The following ROBO1 variants were observed in gnomAD, a reference collection of about 807,000 sequenced individuals.
The protein encoded by ROBO1 is roundabout homolog 1.
ROBO1 carries 149 observed loss-of-function variants against 195.9 expected under a neutral mutation model. That is an observed-to-expected ratio of 0.76 (90% CI 0.67 to 0.87). The LOEUF is 0.87. ROBO1 is among the 40% of genes least tolerant of loss of function. The pLI, the probability that ROBO1 is intolerant of heterozygous loss-of-function variation, is 0.00. For synonymous variants in ROBO1, 816 were observed against 733.2 expected (o/e 1.11, Z -1.82); for missense variants, 1,933 against 2,068.3 (o/e 0.93, Z 1.27).
chr3:79,463,653 A>T (rs1034337621), intron 2 of ROBO1, among the ~76,000 whole-genome samples: 6 of 152,010 alleles, frequency 3.9e-5, no homozygotes, highest in African/African-American at 1.5e-4. Flanking sequence ...GATGGTACAA[A>T]TCAAACAGTG....
chr3:78,786,693 T>C (rs2083845977), intron 4 of ROBO1, among the ~76,000 whole-genome samples: 4 of 152,174 alleles, frequency 2.6e-5, no homozygotes, highest in Non-Finnish European at 5.9e-5. Context: ...CCCTTGCACA[T>C]GTTCTCTTGC....
At chr3:79,041,565 C>A (rs1192284558) in intron 3 of ROBO1, among the ~76,000 whole-genome samples, 4 of 152,008 alleles carry the variant, frequency 2.6e-5, no homozygotes, top group African/African-American at 9.7e-5. Flanking sequence ...TTTCTCTTCT[C>A]AAAGCACTGA....
At chr3:79,663,325 G>A (rs1407961229) in intron 1 of ROBO1, among the ~76,000 whole-genome samples, 2 of 151,942 alleles carry the variant, frequency 1.3e-5, no homozygotes, top group Non-Finnish European at 2.9e-5. Flanking sequence ...TTATTTATTG[G>A]ATTATATGTT....
chr3:78,995,070 T>C (rs2077328667), intron 3 of ROBO1, among the ~76,000 whole-genome samples: 1 of 152,180 alleles, frequency 6.6e-6, no homozygotes, highest in Non-Finnish European at 1.5e-5. Context: ...CTGTCTTCTG[T>C]AGTGCACCTT....
chr3:78,657,737 G>A (rs763700863), intron 17 of ROBO1, among the ~76,000 whole-genome samples: 9 of 152,140 alleles, frequency 5.9e-5, no homozygotes, highest in Non-Finnish European at 8.8e-5. Context: ...GCCAAGCCTC[G>A]TACTTCAACA....
At chr3:78,846,335 T>C (rs2033668950) in intron 4 of ROBO1, among the ~76,000 whole-genome samples, 1 of 152,118 alleles carries the variant, frequency 6.6e-6, no homozygotes, top group Non-Finnish European at 1.5e-5. Flanking sequence ...CTTACAGTCT[T>C]ATAAATCAGC....
intron 2 of ROBO1, among the ~76,000 whole-genome samples, chr3:79,214,826 A>T (rs73848845): frequency 0.02 from 2,596 of 129,102 alleles, 40 homozygotes; most frequent in East Asian, 0.048. Context: ...ATATATATAT[A>T]TTTTTTTTTT....
At chr3:79,755,733 C>T (rs1478778042) in intron 1 of ROBO1, among the ~76,000 whole-genome samples, 1 of 152,208 alleles carries the variant, frequency 6.6e-6, no homozygotes, top group African/African-American at 2.4e-5. Flanking sequence ...CTCTCACCAT[C>T]ACTACAAGAA....
chr3:78,882,729 C>T lies in ROBO1; in HGVS notation c.499+55872G>A, dbSNP rs141240633. Among the ~76,000 whole-genome samples, 38 of 151,986 alleles carry T rather than the reference C, an allele frequency of 2.5e-4. No homozygotes were observed. In the East Asian group the frequency reaches 5.4e-3, roughly 22 times the overall value. On this transcript the variant is annotated intron_variant, in intron 4 of 30. Coordinates refer to ENST00000464233, the MANE Select transcript of ROBO1 (RefSeq NM_002941.4). ...GTCCCTGTCATTTATATATTTAATT[C>T]GTTTACTTATTTTTACCAACTACTT...
At chr3:79,390,979 T>C (rs989651917) in intron 2 of ROBO1, among the ~76,000 whole-genome samples, 1 of 152,018 alleles carries the variant, frequency 6.6e-6, no homozygotes, top group Non-Finnish European at 1.5e-5. Context: ...GCTTTAACAA[T>C]TAGCATAGTT....
chr3:79,444,847 G>A (rs1266843709), intron 2 of ROBO1, among the ~76,000 whole-genome samples: 1 of 151,858 alleles, frequency 6.6e-6, no homozygotes, highest in Non-Finnish European at 1.5e-5. Flanking sequence ...AAGAAGTTAT[G>A]GAAGAACATA....
intron 2 of ROBO1, among the ~76,000 whole-genome samples, chr3:79,151,003 T>G (rs1190370888): frequency 6.6e-6 from 1 of 151,750 alleles, no homozygotes; most frequent in Non-Finnish European, 1.5e-5. Flanking sequence ...TGGAGATAAT[T>G]GAATCATGGG....
At chr3:79,269,917 T>C (rs2030366975) in intron 2 of ROBO1, among the ~76,000 whole-genome samples, 1 of 151,770 alleles carries the variant, frequency 6.6e-6, no homozygotes, top group African/African-American at 2.4e-5. Context: ...GTTTGCAGAG[T>C]TGTTTTAAAT....
intron 3 of ROBO1, among the ~76,000 whole-genome samples, chr3:78,948,549 G>A (rs999419044): frequency 1.3e-5 from 2 of 152,104 alleles, no homozygotes; most frequent in Non-Finnish European, 2.9e-5. Context: ...CAAACCCACA[G>A]CCAATATCAT....
intron 1 of ROBO1, among the ~76,000 whole-genome samples, chr3:79,659,962 C>G (rs982313057): frequency 3.3e-5 from 5 of 152,098 alleles, no homozygotes; most frequent in Non-Finnish European, 7.4e-5. Flanking sequence ...TCCCTATATG[C>G]AAGCGTCCCT....
At chr3:79,485,290 T>G (rs1319635403) in intron 2 of ROBO1, among the ~76,000 whole-genome samples, 1 of 152,180 alleles carries the variant, frequency 6.6e-6, no homozygotes, top group African/African-American at 2.4e-5. Flanking sequence ...TTCAAAACAT[T>G]GAATTACTTA....
intron 2 of ROBO1, among the ~76,000 whole-genome samples, chr3:79,295,856 CA>C (rs992689079): frequency 6.6e-6 from 1 of 151,936 alleles, no homozygotes; most frequent in African/African-American, 2.4e-5. Context: ...ACCACTCTCC[CA>C]AAACAATAAT....
chr3:79,591,504 A>G (rs72631222), intron 1 of ROBO1, among the ~76,000 whole-genome samples: 17,130 of 151,742 alleles, frequency 0.11, 1,131 homozygotes, highest in African/African-American at 0.17. Flanking sequence ...CAAAGAATAT[A>G]CTTGGTTACT....
intron 2 of ROBO1, among the ~76,000 whole-genome samples, chr3:79,323,591 C>A (rs977109159): frequency 5.9e-5 from 9 of 152,108 alleles, no homozygotes; most frequent in Admixed American, 1.3e-4. Context: ...TGTTAAATAT[C>A]ATTTGTAGAG....
Sources: allele counts gnomAD v4.1 joint callset (sites outside exome capture counted in the v4.1 genomes callset), GRCh38; gene constraint gnomAD v4.1.1; transcripts MANE v1.5; gene names NCBI Gene and HGNC (gene_info 2026-07-23, HGNC 2026-07-21).